Variants in TNRC18 observed in about 807,000 individuals in gnomAD.
TNRC18 encodes trinucleotide repeat-containing gene 18 protein.
A neutral mutation model predicts 226.7 loss-of-function variants in TNRC18; 69 were observed. The observed-to-expected ratio is 0.30, with a 90% CI of 0.25 to 0.37. The LOEUF is 0.37. Ranked by LOEUF, TNRC18 falls within the 10% of genes least tolerant of loss-of-function variation. The probability of loss-of-function intolerance (pLI) is 1.00; values close to 1 mark genes in which losing one functional copy is unlikely to be tolerated. For missense variants in TNRC18, 4,754 were observed against 4,256.6 expected, an observed-to-expected ratio of 1.12 and a Z score of -3.25; for synonymous variants, 2,449 against 1,927.6, an observed-to-expected ratio of 1.27 and a Z score of -7.09.
intron 2 of TNRC18, among the ~76,000 whole-genome samples, chr7:5,413,230 C>A (rs1781953082): frequency 6.6e-6 from 1 of 152,200 alleles, no homozygotes; most frequent in African/African-American, 2.4e-5. Context: ...AGACCACAGA[C>A]TGGTTCATGC....
At chr7:5,407,987 G>C (rs1781591045) in intron 2 of TNRC18, among the ~76,000 whole-genome samples, 1 of 152,182 alleles carries the variant, frequency 6.6e-6, no homozygotes, top group Non-Finnish European at 1.5e-5. Context: ...CACAGTATTT[G>C]ATCTTTACAA....
chr7:5,308,948 T>G lies in TNRC18; in HGVS notation c.8627A>C (p.His2876Pro), dbSNP rs771797712. The G allele has an allele frequency of 1.3e-6, 2 of 1,598,570 alleles. No individual in the cohort carries two copies. The highest frequency in any genetic ancestry group is 1.3e-5 in the African/African-American group (1 of 74,168). Residue 2876 changes from histidine (H) to proline (P), a missense_variant and splice_region_variant, in exon 29 of 30, where the codon CAC (histidine) becomes CCC (proline). Transcript: ENST00000430969. ...GCTGCGGCTGGACTTCTGGTCCCAG[T>G]GCTGTGTGGGGGAGAGAGGAGGGGC... ...SPGKQFHQGQ[H>P]WDQKSSRSLP...
intron 17 of TNRC18, 44 bp from the exon 18 acceptor site, chr7:5,345,854 G>GC: frequency 6.6e-7 from 1 of 1,511,498 alleles, no homozygotes; most frequent in African/African-American, 1.4e-5. Flanking sequence ...CTTGGCCTTG[G>GC]CGAGGGCCAC....
intron 11 of TNRC18, 67 bp downstream of exon 11, chr7:5,370,308 G>A (rs1244444493): frequency 1.3e-6 from 2 of 1,482,338 alleles, no homozygotes; most frequent in East Asian, 5.0e-5. Flanking sequence ...GGGCAACACA[G>A]CAAGACCCCA....
rs1793392802 is a variant in TNRC18, at chr7:5,364,406, C to T, written c.4220-1581G>A. 2.0e-5 allele frequency among the ~76,000 whole-genome samples: 3 copies of T among 151,210 alleles called. No homozygotes were observed. In the Admixed American group the frequency reaches 2.0e-4, roughly 10 times the overall value. On this transcript the variant is annotated intron_variant, in intron 11 of 29. Transcript: ENST00000430969. ...CCAGGAAGTTGAGACTGCAGTAAGC[C>T]ATGATCACACCACTGCACTCCAGCC... is the stretch of plus-strand genomic sequence containing the variant.
Position 5,315,073 on chromosome 7 carries a change from T to G in TNRC18, c.6938A>C (p.Glu2313Ala). The G allele has an allele frequency of 6.2e-7, 1 of 1,612,504 alleles. No homozygotes were observed. The highest frequency in any genetic ancestry group is 1.3e-5 in the African/African-American group (1 of 75,014). Residue 2313 changes from glutamate (E) to alanine (A), a missense_variant, in exon 26 of 30, where the codon GAG becomes GCG. Physicochemically the swap from Glu to Ala is moderately radical, Grantham distance 107 (BLOSUM62 -1). Coordinates refer to ENST00000430969, the MANE Select transcript of TNRC18 (RefSeq NM_001080495.3). ...CCCAGCCGTGCCACCATCTTTGCCCTCCCCAGTGTCTTTGCTGGTCTTCCG... is the reference window on the plus strand; with the variant it reads ...CCCAGCCGTGCCACCATCTTTGCCCGCCCCAGTGTCTTTGCTGGTCTTCCG... ...RSRKTSKDTG[E>A]GKDGGTAGSE...
At chr7:5,352,259 T>TC (rs1357934967) in intron 16 of TNRC18, among the ~76,000 whole-genome samples, 165 bp from the exon 17 acceptor site, 2 of 152,142 alleles carry the variant, frequency 1.3e-5, no homozygotes, top group African/African-American at 4.8e-5. Flanking sequence ...TGTCACCAGC[T>TC]CCCCTCCCAG....
chr7:5,363,751 G>A (rs539857300), intron 11 of TNRC18, among the ~76,000 whole-genome samples: 4 of 152,210 alleles, frequency 2.6e-5, no homozygotes, highest in South Asian at 4.1e-4. Context: ...CAGCAGTACG[G>A]CTCTCCTTCC....
intron 15 of TNRC18, among the ~76,000 whole-genome samples, chr7:5,357,708 C>CA (rs1201092590): frequency 6.6e-6 from 1 of 152,150 alleles, no homozygotes; most frequent in East Asian, 1.9e-4. Flanking sequence ...AGGCTGGTCT[C>CA]AAACTTTTAG....
chr7:5,379,715 C>G (rs1470264570), intron 5 of TNRC18, among the ~76,000 whole-genome samples: 1 of 152,220 alleles, frequency 6.6e-6, no homozygotes, highest in Non-Finnish European at 1.5e-5. Flanking sequence ...GGTGAAGGCC[C>G]GGGAATGGGA....
chr7:5,383,488 A>C (rs1425741002), intron 5 of TNRC18, among the ~76,000 whole-genome samples: 2 of 152,214 alleles, frequency 1.3e-5, no homozygotes, highest in Non-Finnish European at 2.9e-5. Context: ...CCGCCCCCAG[A>C]GGCCAGAGGG....
At chr7:5,375,922 C>T in intron 9 of TNRC18, 112 bp downstream of exon 9, 1 of 1,104,572 alleles carries the variant, frequency 9.1e-7, no homozygotes, top group Non-Finnish European at 1.3e-6. Flanking sequence ...ACCTGCCCCT[C>T]TGCTGTTTTC....
At chr7:5,349,586 C>T (rs996325828) in intron 17 of TNRC18, among the ~76,000 whole-genome samples, 1 of 152,192 alleles carries the variant, frequency 6.6e-6, no homozygotes, top group Admixed American at 6.5e-5. Context: ...GAAAGAAAAG[C>T]GTTTTGCCTA....
At chr7:5,358,293 C>T (rs1583900329) in intron 15 of TNRC18, among the ~76,000 whole-genome samples, 1 of 152,164 alleles carries the variant, frequency 6.6e-6, no homozygotes, top group Admixed American at 6.5e-5. Context: ...AAGCGAAACA[C>T]GCAGTTTCAA....
At chr7:5,331,797 C>A (rs1322951644) in intron 19 of TNRC18, among the ~76,000 whole-genome samples, 1 of 152,176 alleles carries the variant, frequency 6.6e-6, no homozygotes, top group Non-Finnish European at 1.5e-5. Context: ...GTAGTCCCAG[C>A]TACTCAGGAG....
chr7:5,340,029 T>C (rs1790534704), intron 18 of TNRC18, among the ~76,000 whole-genome samples: 1 of 152,128 alleles, frequency 6.6e-6, no homozygotes, highest in South Asian at 2.1e-4. Flanking sequence ...CAATGGCCTC[T>C]AAATGTTCAA....
At chr7:5,393,401 G>A (rs932211832) in intron 3 of TNRC18, among the ~76,000 whole-genome samples, 2 of 152,234 alleles carry the variant, frequency 1.3e-5, no homozygotes, top group African/African-American at 2.4e-5. Context: ...GACTGGATGG[G>A]GTCCTGTGAC....
chr7:5,408,456 G>T (rs7778113), intron 2 of TNRC18, among the ~76,000 whole-genome samples: 67,815 of 151,604 alleles, frequency 0.45, 16,647 homozygotes, highest in African/African-American at 0.65. Flanking sequence ...GAGACCAGCC[G>T]GGCCAACATG....
intron 5 of TNRC18, among the ~76,000 whole-genome samples, chr7:5,386,134 A>T (rs530943623): frequency 2.4e-4 from 36 of 151,794 alleles, no homozygotes; most frequent in Admixed American, 2.0e-3. Context: ...TAAAAGATAC[A>T]AAAGTTAGCC....
Sources: allele counts gnomAD v4.1 joint callset (sites outside exome capture counted in the v4.1 genomes callset), GRCh38; gene constraint gnomAD v4.1.1; transcripts MANE v1.5; gene names NCBI Gene and HGNC (gene_info 2026-07-23, HGNC 2026-07-21).